Variants in SPCS3 observed in about 807,000 individuals in gnomAD.
SPCS3 encodes the protein SPase 22 kDa subunit.
A neutral mutation model predicts 17.2 loss-of-function variants in SPCS3; 9 were observed. That is an observed-to-expected ratio of 0.52 (90% CI 0.31 to 0.91). SPCS3 has a LOEUF of 0.91. Ranked by LOEUF, SPCS3 falls within the 40% of genes least tolerant of loss-of-function variation. The pLI is 0.04. For synonymous variants in SPCS3, 87 were observed against 89.6 expected, an observed-to-expected ratio of 0.97 and a Z score of 0.16; for missense variants, 139 against 217.5, an observed-to-expected ratio of 0.64 and a Z score of 2.27.
Position 176,327,179 on chromosome 4 carries a change from C to T in SPCS3, c.312C>T (p.Val104=), listed in dbSNP as rs569036179. ...STKNNALNQV[V]LWDKIVLRGD... ...TAATATAGGCTCTGAACCAAGTTGT[C>T]CTATGGGACAAGATTGTTTTGAGAG... Residue 104 remains valine, a synonymous_variant, in exon 4 of 5, where the codon GTC becomes GTT. Coordinates refer to ENST00000503362, the MANE Select transcript of SPCS3 (RefSeq NM_021928.4). The T allele has an allele frequency of 1.9e-6, 3 of 1,584,422 alleles. No homozygotes were observed. Among genetic ancestry groups the T allele is most frequent in the East Asian group, 2.3e-5 (1 of 44,208 alleles).
In SPCS3 at chr4:176,327,265, GA is replaced by G; in HGVS notation, c.401del (p.Asn134MetfsTer11). On this transcript the variant is annotated frameshift_variant, in exon 4 of 5. Transcript: ENST00000503362. LOFTEE classifies it high-confidence loss of function. ...MKTKYFFFDD[G>X]NGLKGNRNVT... ...ACAAAATATTTTTTCTTTGACGATGGAAATGGTCTCAAGTGAGCAATTCTTG... is the reference window on the plus strand; with the variant it reads ...ACAAAATATTTTTTCTTTGACGATGGAATGGTCTCAAGTGAGCAATTCTTG... 1 of 1,569,212 alleles carries G rather than the reference GA, an allele frequency of 6.4e-7. No homozygotes were observed. The highest frequency in any genetic ancestry group is 8.6e-7 in the Non-Finnish European group (1 of 1,157,252).
At chr4:176,324,053 A>C (rs1413983001) in intron 2 of SPCS3, 128 bp from the exon 3 acceptor site, 2 of 450,112 alleles carry the variant, frequency 4.4e-6, no homozygotes, top group African/African-American at 4.2e-5. Flanking sequence ...TTAGTGGCAC[A>C]TTATGTTTCT....
chr4:176,328,008 T>G (rs1205689631), intron 4 of SPCS3, among the ~76,000 whole-genome samples, 190 bp from the exon 5 acceptor site: 1 of 152,224 alleles, frequency 6.6e-6, no homozygotes, highest in Non-Finnish European at 1.5e-5. Context: ...GTAGTGCCCC[T>G]GTCTTCTAGC....
At position 176,328,760 on chromosome 4, in the gene SPCS3, A is replaced by T. The variant is rs1731644162; in HGVS notation, c.*430A>T. 6.6e-6 allele frequency: 1 copy of T among 152,200 alleles called. No individual in the cohort carries two copies. The highest frequency in any genetic ancestry group is 2.4e-5 in the African/African-American group (1 of 41,444). 9.4% of individuals were successfully genotyped at this position (152,200 alleles called of 1,614,324 possible). On this transcript the variant is annotated 3_prime_UTR_variant, in exon 5 of 5. Transcript: ENST00000503362. ...CACATTGGATGTGATTTAAAAGTAG[A>T]CATTCTCTTTTTCCTCTTTTAGGAT...
chr4:176,323,152 T>C (rs915605356), intron 2 of SPCS3, among the ~76,000 whole-genome samples: 8 of 152,156 alleles, frequency 5.3e-5, no homozygotes, highest in Non-Finnish European at 1.2e-4. Flanking sequence ...TAGGTACCTT[T>C]TTAGGAAATA....
At chr4:176,325,111 G>A (rs560584757) in intron 3 of SPCS3, among the ~76,000 whole-genome samples, 1 of 147,392 alleles carries the variant, frequency 6.8e-6, no homozygotes, top group Non-Finnish European at 1.5e-5. Context: ...GAGTACAGTA[G>A]CGCCGTCAAT....
At chr4:176,327,543 C>T (rs564094412) in intron 4 of SPCS3, among the ~76,000 whole-genome samples, 8 of 152,270 alleles carry the variant, frequency 5.3e-5, no homozygotes, top group Middle Eastern at 6.8e-3. Context: ...TGTTCAGATG[C>T]GGTAGGGCTG....
intron 1 of SPCS3, chr4:176,320,833 TGA>T (rs1731528114): frequency 1.3e-5 from 2 of 152,280 alleles, no homozygotes; most frequent in Non-Finnish European, 2.9e-5. Context: ...TGTTGGGCAC[TGA>T]GAGAATTAAG....
At chr4:176,322,345 G>A in intron 2 of SPCS3, 102 bp downstream of exon 2, 1 of 751,434 alleles carries the variant, frequency 1.3e-6, no homozygotes, top group South Asian at 1.9e-5. Context: ...CATTGAATCA[G>A]CCAAACCTTG....
intron 2 of SPCS3, among the ~76,000 whole-genome samples, chr4:176,323,546 A>G (rs1731565306): frequency 6.6e-6 from 1 of 152,200 alleles, no homozygotes; most frequent in Admixed American, 6.5e-5. Context: ...AATTAACATA[A>G]TACTTAAAAA....
At chr4:176,322,076 C>T (rs12512214) in intron 1 of SPCS3, 94 bp from the exon 2 acceptor site, 14,009 of 721,672 alleles carry the variant, frequency 0.019, 186 homozygotes, top group Middle Eastern at 0.045. Flanking sequence ...GCAGTTTCAC[C>T]TATGCACACA....
chr4:176,325,881 T>C (rs965921187), intron 3 of SPCS3, among the ~76,000 whole-genome samples: 4 of 152,098 alleles, frequency 2.6e-5, no homozygotes, highest in Non-Finnish European at 4.4e-5. Flanking sequence ...GTAGCTGGGA[T>C]TACAGGCACC....
In SPCS3 at chr4:176,332,003, A is replaced by G. The variant is rs1731694298; in HGVS notation, c.*3673A>G. The G allele has an allele frequency of 6.6e-6, 1 of 152,248 alleles. No homozygotes were observed. The highest frequency in any genetic ancestry group is 1.5e-5 in the Non-Finnish European group (1 of 68,070). The allele number at this position is 152,248 out of a possible 1,614,324, so 9.4% of individuals were successfully genotyped here. On this transcript the variant is annotated 3_prime_UTR_variant, in exon 5 of 5. Transcript: ENST00000503362. ...CTTTCAGATTTATGCTTTTTACGTG[A>G]AGCTGCTAAACTAAAAGTAAATGGA...
intron 3 of SPCS3, among the ~76,000 whole-genome samples, chr4:176,325,115 C>T (rs545664223): frequency 1.0e-4 from 15 of 149,526 alleles, no homozygotes; most frequent in African/African-American, 3.5e-4. Context: ...ACAGTAGCGC[C>T]GTCAATCTCA....
At chr4:176,322,126 A>G (rs774700051) in intron 1 of SPCS3, 44 bp from the exon 2 acceptor site, 1 of 1,265,148 alleles carries the variant, frequency 7.9e-7, no homozygotes, top group East Asian at 2.3e-5. Context: ...TGAATTGTGT[A>G]TGTTCTGTTG....
At chr4:176,324,447 T>C (rs1731578057) in intron 3 of SPCS3, among the ~76,000 whole-genome samples, 190 bp downstream of exon 3, 2 of 152,150 alleles carry the variant, frequency 1.3e-5, no homozygotes, top group Admixed American at 1.3e-4. Context: ...TTGTTGTTTG[T>C]TTGTTTGTTT....
chr4:176,327,072 G>A lies in SPCS3; in HGVS notation c.295-90G>A, dbSNP rs747544322. 34 of 721,868 alleles carry A rather than the reference G, an allele frequency of 4.7e-5. 1 individual carries two copies. The South Asian group carries it at 6.0e-4, about 13-fold the overall frequency. The allele number at this position is 721,868 out of a possible 1,614,324, so 44.7% of individuals were successfully genotyped here. On this transcript the variant is annotated intron_variant, in intron 3 of 4. Coordinates refer to ENST00000503362, the MANE Select transcript of SPCS3 (RefSeq NM_021928.4). ...CTCCTCAAGTTGAATTCATTAACATGTCAAACTATTTGCTTACTAATACTT... is the reference window on the plus strand; with the variant it reads ...CTCCTCAAGTTGAATTCATTAACATATCAAACTATTTGCTTACTAATACTT...
rs920822653 is a variant in SPCS3 at position 176,328,855 on chromosome 4, T to C, written c.*525T>C. The C allele has an allele frequency of 6.6e-5, 10 of 152,202 alleles. No homozygotes were observed. The highest frequency in any genetic ancestry group is 2.4e-4 in the African/African-American group (10 of 41,472). 9.4% of individuals were successfully genotyped at this position (152,202 alleles called of 1,614,324 possible). On this transcript the variant is annotated 3_prime_UTR_variant, in exon 5 of 5. Coordinates refer to ENST00000503362, the MANE Select transcript of SPCS3 (RefSeq NM_021928.4). The stretch of plus-strand genomic sequence containing the variant: ...TGGTTTATAAAAAAGCCAAAAGTGA[T>C]GGAATTTATTCCATTTGTCTTAGGA...
Position 176,320,377 on chromosome 4 carries a change from G to A in SPCS3, c.143+158G>A, listed in dbSNP as rs1247475567. 1.2e-5 allele frequency: 6 copies of A among 519,568 alleles called. No homozygotes were observed. The South Asian group carries it at 2.6e-4, about 22-fold the overall frequency. 32.2% of individuals were successfully genotyped at this position (519,568 alleles called of 1,614,324 possible). ...TTCGCCCCCGAGGGCGGTCGTCAGG[G>A]GTGGACGTCGCAGGCTTTTCCGGCG... On this transcript the variant is annotated intron_variant, in intron 1 of 4. Transcript: ENST00000503362.
Sources: allele counts gnomAD v4.1 joint callset (sites outside exome capture counted in the v4.1 genomes callset), GRCh38; gene constraint gnomAD v4.1.1; transcripts MANE v1.5; gene names NCBI Gene and HGNC (gene_info 2026-07-23, HGNC 2026-07-21).